SEMA6D: variants seen among roughly 807,000 people sequenced by gnomAD.
SEMA6D encodes semaphorin-6D.
In SEMA6D, 35 loss-of-function variants were observed where a neutral mutation model predicts 106.6. The observed-to-expected ratio is 0.33, with a 90% CI of 0.25 to 0.44. SEMA6D has a LOEUF of 0.44. Among genes scored for constraint, SEMA6D ranks in the 20% least tolerant of loss-of-function variants. The probability of loss-of-function intolerance (pLI) is 1.00; values close to 1 mark genes in which losing one functional copy is unlikely to be tolerated. For synonymous variants in SEMA6D, 499 were observed against 487.7 expected (o/e 1.02, Z -0.31); for missense variants, 1,185 against 1,345.9 (o/e 0.88, Z 1.87).
intron 1 of SEMA6D, among the ~76,000 whole-genome samples, chr15:47,273,433 C>T (rs2034652406): frequency 6.6e-6 from 1 of 152,042 alleles, no homozygotes; most frequent in African/African-American, 2.4e-5. Context: ...CTCTGCTGTC[C>T]CTGTTGAATA....
chr15:47,571,481 A>G (rs1259179301), intron 3 of SEMA6D, among the ~76,000 whole-genome samples: 1 of 152,232 alleles, frequency 6.6e-6, no homozygotes, highest in Non-Finnish European at 1.5e-5. Context: ...GAATTCTGCA[A>G]TGAATTTGAT....
At chr15:47,506,940 GGC>G (rs2044063534) in intron 3 of SEMA6D, among the ~76,000 whole-genome samples, 1 of 152,098 alleles carries the variant, frequency 6.6e-6, no homozygotes, top group Non-Finnish European at 1.5e-5. Flanking sequence ...TCAGGCTTTA[GGC>G]ATCTACACAG....
At chr15:47,675,128 A>G (rs1312868956) in intron 4 of SEMA6D, among the ~76,000 whole-genome samples, 1 of 152,232 alleles carries the variant, frequency 6.6e-6, no homozygotes, top group Non-Finnish European at 1.5e-5. Context: ...GCTGTTTGGC[A>G]TTATCAACAC....
At chr15:47,725,208 T>C (rs2146455879) in intron 1 of SEMA6D, among the ~76,000 whole-genome samples, 1 of 152,196 alleles carries the variant, frequency 6.6e-6, no homozygotes, top group South Asian at 2.1e-4. Context: ...AGACTGCAGG[T>C]TTTTTGAGGC....
At chr15:47,189,022 C>T (rs1893767379) in intron 1 of SEMA6D, among the ~76,000 whole-genome samples, 1 of 152,074 alleles carries the variant, frequency 6.6e-6, no homozygotes, top group Non-Finnish European at 1.5e-5. Flanking sequence ...ATCAGAAAAG[C>T]CAAGTAACTA....
chr15:47,536,519 T>G (rs1035702), intron 3 of SEMA6D, among the ~76,000 whole-genome samples: 77,252 of 152,014 alleles, frequency 0.51, 21,124 homozygotes, highest in African/African-American at 0.73. Flanking sequence ...CTCAGACCGA[T>G]TGAGTCTTAG....
chr15:47,214,352 A>G (rs1389132063), intron 1 of SEMA6D, among the ~76,000 whole-genome samples: 2 of 152,176 alleles, frequency 1.3e-5, no homozygotes, highest in Admixed American at 1.3e-4. Flanking sequence ...CAAAGTGGAA[A>G]AGCACAGTCT....
In SEMA6D at chr15:47,536,185, C is replaced by G. The variant is rs990008602; in HGVS notation, c.-86-64680C>G. Among the ~76,000 whole-genome samples, 7 of 152,242 alleles carry G rather than the reference C, an allele frequency of 4.6e-5. No homozygotes were observed. The South Asian group carries it at 1.5e-3, about 32-fold the overall frequency. On this transcript the variant is annotated intron_variant, in intron 3 of 19. Coordinates refer to the SEMA6D transcript ENST00000558014. ...TAATGTAACAATCATTTATGTAGAACTCTTCTACATAACCATAAACTCTCT... is the reference window on the plus strand; with the variant it reads ...TAATGTAACAATCATTTATGTAGAAGTCTTCTACATAACCATAAACTCTCT...
At chr15:47,198,424 A>C (rs1289496316) in intron 1 of SEMA6D, among the ~76,000 whole-genome samples, 1 of 152,166 alleles carries the variant, frequency 6.6e-6, no homozygotes, top group Non-Finnish European at 1.5e-5. Context: ...GATATTGTGC[A>C]ATATAAATAT....
intron 1 of SEMA6D, among the ~76,000 whole-genome samples, chr15:47,330,051 T>A (rs2037283857): frequency 6.6e-6 from 1 of 152,230 alleles, no homozygotes; most frequent in South Asian, 2.1e-4. Context: ...GCACCTTTAC[T>A]GATCGTATAT....
At chr15:47,337,452 G>A (rs1348551433) in intron 1 of SEMA6D, among the ~76,000 whole-genome samples, 1 of 152,128 alleles carries the variant, frequency 6.6e-6, no homozygotes, top group Non-Finnish European at 1.5e-5. Context: ...ACAGGAATAG[G>A]CACTTTCTCT....
chr15:47,661,387 T>C (rs947107954), intron 4 of SEMA6D, among the ~76,000 whole-genome samples: 3 of 152,250 alleles, frequency 2.0e-5, no homozygotes, highest in African/African-American at 7.2e-5. Flanking sequence ...TTCTGAAATA[T>C]ATTTTAGAAT....
At chr15:47,471,052 T>C (rs910839888) in intron 3 of SEMA6D, among the ~76,000 whole-genome samples, 20 of 152,108 alleles carry the variant, frequency 1.3e-4, no homozygotes, top group African/African-American at 4.1e-4. Context: ...TACTCCAAAT[T>C]ATGATCAAGT....
In SEMA6D at chr15:47,770,783, C is replaced by G; in HGVS notation, c.2220C>G (p.Asn740Lys). Residue 740 changes from asparagine to lysine, a missense_variant, in exon 19 of 19, where the codon AAC (asparagine) becomes AAG (lysine). Physicochemically the swap from Asn to Lys is moderately conservative, Grantham distance 94. Around this residue, in one of 3 missense-constraint regions of SEMA6D, gnomAD observed 750 missense variants for 783.5 expected, o/e 0.96. Coordinates refer to ENST00000536845, the MANE Select transcript of SEMA6D (RefSeq NM_001358351.3). ...QNIDSPKLYS[N>K]LLTSRKELPP... is the part of the protein sequence containing the mutation. ...TTGATTCTCCTAAACTGTATAGTAA[C>G]CTGCTAACCAGTCGGAAAGAGCTAC... 1 of 1,614,064 alleles carries G rather than the reference C, an allele frequency of 6.2e-7. No homozygotes were observed. The highest frequency in any genetic ancestry group is 1.1e-5 in the South Asian group (1 of 91,076).
chr15:47,723,673 TTTAATTCTCTCTCATGCATCAGCA>T (rs1384158812), intron 1 of SEMA6D, among the ~76,000 whole-genome samples: 1 of 151,832 alleles, frequency 6.6e-6, no homozygotes, highest in Non-Finnish European at 1.5e-5. Context: ...TGCATCAGCA[TTTAATTCTCTCTCATGCATCAGCA>T]TTTTTTTTTG....
At chr15:47,628,725 T>C (rs563679285) in intron 4 of SEMA6D, among the ~76,000 whole-genome samples, 2 of 152,262 alleles carry the variant, frequency 1.3e-5, no homozygotes, top group South Asian at 4.1e-4. Context: ...GTACAAGGTC[T>C]TTTGCAGAGC....
At chr15:47,358,744 GA>G (rs1328419652) in intron 1 of SEMA6D, among the ~76,000 whole-genome samples, 1 of 152,246 alleles carries the variant, frequency 6.6e-6, no homozygotes, top group African/African-American at 2.4e-5. Context: ...AGTGCCAGCG[GA>G]AAGCTCTGGG....
chr15:47,243,301 T>C (rs1361356680), intron 1 of SEMA6D, among the ~76,000 whole-genome samples: 1 of 152,066 alleles, frequency 6.6e-6, no homozygotes, highest in Non-Finnish European at 1.5e-5. Flanking sequence ...CATCAACCCA[T>C]GAACTGGTTA....
At chr15:47,361,154 A>G (rs1315935354) in intron 1 of SEMA6D, among the ~76,000 whole-genome samples, 3 of 152,196 alleles carry the variant, frequency 2.0e-5, no homozygotes, top group Admixed American at 6.5e-5. Flanking sequence ...CTAGGAGCCC[A>G]GAGCCTGTCA....
Sources: allele counts gnomAD v4.1 joint callset (sites outside exome capture counted in the v4.1 genomes callset), GRCh38; gene constraint gnomAD v4.1.1; regional missense constraint gnomAD v4.1.1; transcripts MANE v1.5; gene names NCBI Gene and HGNC (gene_info 2026-07-23, HGNC 2026-07-21).